Variants in IL1RAPL2 observed in about 807,000 individuals in gnomAD.
The protein encoded by IL1RAPL2 is X-linked interleukin-1 receptor accessory protein-like 2.
Under a neutral mutation model 44.1 loss-of-function variants are expected in IL1RAPL2, and 3 were observed. That is an observed-to-expected ratio of 0.07 (90% CI 0.03 to 0.18). The LOEUF (loss-of-function observed/expected upper bound fraction) is 0.18. Ranked by LOEUF, IL1RAPL2 falls within the 10% of genes least tolerant of loss-of-function variation. The probability of loss-of-function intolerance (pLI) is 1.00; values close to 1 mark genes in which losing one functional copy is unlikely to be tolerated. For missense variants in IL1RAPL2, 391 were observed against 496.4 expected (o/e 0.79, Z 2.02); for synonymous variants, 181 against 178.8 (o/e 1.01, Z -0.10).
chrX:105,405,805 C>T, intron 5 of IL1RAPL2: 1 of 1,167,180 alleles, frequency 8.6e-7, no homozygotes, highest in Non-Finnish European at 1.2e-6. Context: ...CAGGTGGTTG[C>T]TGTATATGGA....
intron 6 of IL1RAPL2, among the ~76,000 whole-genome samples, chrX:105,525,822 G>A (rs1394163478): frequency 9.0e-6 from 1 of 111,527 alleles, no homozygotes; most frequent in African/African-American, 3.2e-5. Context: ...GTTAGCAAGA[G>A]GGAAAAGAAT....
At chrX:105,644,124 C>T (rs998083486) in intron 6 of IL1RAPL2, among the ~76,000 whole-genome samples, 3 of 111,460 alleles carry the variant, frequency 2.7e-5, no homozygotes, top group Admixed American at 1.9e-4. Flanking sequence ...ATCTCCTGAC[C>T]TTATGATCTG....
chrX:104,964,436 C>T (rs1044767484), intron 2 of IL1RAPL2, among the ~76,000 whole-genome samples: 2 of 108,988 alleles, frequency 1.8e-5, no homozygotes, highest in Admixed American at 9.9e-5. Context: ...CTCAGCCTCC[C>T]GAGTAGCTGG....
At chrX:104,935,317 T>G (rs983082891) in intron 2 of IL1RAPL2, among the ~76,000 whole-genome samples, 2 of 112,308 alleles carry the variant, frequency 1.8e-5, no homozygotes, top group African/African-American at 6.5e-5. Context: ...TGGGGCCAAT[T>G]GTAGTTCTTT....
At chrX:104,680,597 G>C (rs1930874462) in intron 2 of IL1RAPL2, among the ~76,000 whole-genome samples, 1 of 110,189 alleles carries the variant, frequency 9.1e-6, no homozygotes, top group South Asian at 3.9e-4. Context: ...GATTATAGGG[G>C]AACTACCCCC....
chrX:105,601,235 T>C (rs2037249768), intron 6 of IL1RAPL2, among the ~76,000 whole-genome samples: 1 of 111,405 alleles, frequency 9.0e-6, no homozygotes, highest in African/African-American at 3.3e-5. Flanking sequence ...TATCTTGTCA[T>C]AGAGGAGTTT....
At chrX:104,810,976 A>G (rs1320170819) in intron 2 of IL1RAPL2, among the ~76,000 whole-genome samples, 2 of 112,030 alleles carry the variant, frequency 1.8e-5, no homozygotes, top group South Asian at 3.7e-4. Flanking sequence ...ACATATTTAC[A>G]TATTACATTT....
chrX:104,631,782 T>G (rs1258355162), intron 1 of IL1RAPL2, among the ~76,000 whole-genome samples: 13 of 111,154 alleles, frequency 1.2e-4, no homozygotes, highest in East Asian at 1.1e-3. Flanking sequence ...TTTCTCCCAT[T>G]CTGTAGGTTG....
chrX:105,432,921 T>G (rs1212396087), intron 5 of IL1RAPL2, among the ~76,000 whole-genome samples: 1 of 111,227 alleles, frequency 9.0e-6, no homozygotes, highest in Non-Finnish European at 1.9e-5. Context: ...TAATAATTGA[T>G]TTTTTTGTCT....
chrX:104,744,791 TCTC>T (rs1477281429), intron 2 of IL1RAPL2, among the ~76,000 whole-genome samples: 1 of 111,011 alleles, frequency 9.0e-6, no homozygotes, highest in Non-Finnish European at 1.9e-5. Flanking sequence ...AATTTAAAAA[TCTC>T]CTTGAAAGTA....
At chrX:105,180,349 ACAAAAAC>A (rs368641087) in intron 2 of IL1RAPL2, among the ~76,000 whole-genome samples, 1 of 109,444 alleles carries the variant, frequency 9.1e-6, no homozygotes, top group Middle Eastern at 4.6e-3. Context: ...AAAAACAAAA[ACAAAAAC>A]AAAAAAAAAA....
chrX:105,030,626 C>A (rs1216271228), intron 2 of IL1RAPL2, among the ~76,000 whole-genome samples: 1 of 111,804 alleles, frequency 8.9e-6, no homozygotes, highest in Non-Finnish European at 1.9e-5. Context: ...GGTACCAGTA[C>A]CATGCTTTTT....
At chrX:105,269,126 A>G (rs2034428149) in intron 5 of IL1RAPL2, among the ~76,000 whole-genome samples, 1 of 111,487 alleles carries the variant, frequency 9.0e-6, no homozygotes, top group Non-Finnish European at 1.9e-5. Flanking sequence ...TCTAATGCCA[A>G]CATCAGCCAG....
intron 6 of IL1RAPL2, among the ~76,000 whole-genome samples, chrX:105,657,881 C>CTGGG (rs2037687709): frequency 9.1e-6 from 1 of 110,232 alleles, no homozygotes; most frequent in African/African-American, 3.3e-5. Flanking sequence ...TCCCAAAGTG[C>CTGGG]TGGGATTAGA....
In IL1RAPL2 at chrX:105,755,339, C is replaced by T. The variant is rs147314759; in HGVS notation, c.1355C>T (p.Pro452Leu). The change falls in exon 10 of 11, where the codon CCA becomes CTA. Residue 452 changes from proline to leucine, a missense_variant. Physicochemically the swap from Pro to Leu is moderately conservative, Grantham distance 98. Coordinates refer to ENST00000372582, the MANE Select transcript of IL1RAPL2 (RefSeq NM_017416.2). ...KLFIPERDLI[P>L]SGTYMEDLTR... is the part of the protein sequence containing the mutation. ...TTCATCCCAGAAAGAGACCTGATTC[C>T]AAGTGGAAGTAAGTACTTTCAAATT... 2.5e-6 allele frequency: 3 copies of T among 1,186,465 alleles called. No homozygotes were observed. In the African/African-American group the frequency reaches 5.3e-5, roughly 21 times the overall value.
At chrX:105,175,485 C>T (rs1378478578) in intron 2 of IL1RAPL2, among the ~76,000 whole-genome samples, 2 of 111,303 alleles carry the variant, frequency 1.8e-5, no homozygotes, top group African/African-American at 6.5e-5. Context: ...ATTCCAAAAT[C>T]ATCTTAATTT....
intron 5 of IL1RAPL2, among the ~76,000 whole-genome samples, chrX:105,267,906 G>A (rs1483129069): frequency 7.2e-5 from 8 of 111,516 alleles, no homozygotes; most frequent in Non-Finnish European, 1.3e-4. Context: ...ATTTTAGAAT[G>A]AGAATCTGTT....
rs191679500 is a variant in IL1RAPL2 at position 105,444,658 on chromosome X, T to C, written c.698-39655T>C. Among the ~76,000 whole-genome samples the C allele has an allele frequency of 3.6e-5, 4 of 111,205 alleles. No individual in the cohort carries two copies. The East Asian group carries it at 1.1e-3, about 31-fold the overall frequency. ...TTATTTATATGTATTTATTTTTTAA[T>C]TTTAAGTTACAGGATACAAGTGCAG... is the stretch of plus-strand genomic sequence containing the variant. On this transcript the variant is annotated intron_variant, in intron 5 of 10. Transcript: ENST00000372582.
At chrX:105,065,012 C>T (rs969642981) in intron 2 of IL1RAPL2, among the ~76,000 whole-genome samples, 1 of 112,466 alleles carries the variant, frequency 8.9e-6, no homozygotes, top group African/African-American at 3.2e-5. Flanking sequence ...TATGTACTGA[C>T]ACTAAATAAT....
Sources: gnomAD v4.1 joint callset for allele counts (sites outside exome capture counted in the v4.1 genomes callset) on GRCh38, gnomAD v4.1.1 for gene constraint, MANE v1.5 for transcripts, NCBI Gene and HGNC (gene_info 2026-07-23, HGNC 2026-07-21) for gene names.